UBTD2: variants seen among roughly 807,000 people sequenced by gnomAD.
UBTD2 encodes ubiquitin domain-containing protein 2.
A neutral mutation model predicts 19.8 loss-of-function variants in UBTD2; 9 were observed. The observed-to-expected ratio is 0.46, with a 90% CI of 0.27 to 0.79. The LOEUF is 0.79. UBTD2 is among the 30% of genes least tolerant of loss of function. UBTD2 has a pLI of 0.14. For missense variants in UBTD2, 250 were observed against 300.4 expected, an observed-to-expected ratio of 0.83 and a Z score of 1.24; for synonymous variants, 98 against 103.9, an observed-to-expected ratio of 0.94 and a Z score of 0.35.
intron 1 of UBTD2, among the ~76,000 whole-genome samples, chr5:172,252,175 TACTTGAATAAATGTTTA>T (rs1755038577): frequency 6.6e-6 from 1 of 152,234 alleles, no homozygotes; most frequent in South Asian, 2.1e-4. Context: ...CTTTAAGAGT[TACTTGAATAAATGTTTA>T]ACATGGATTT....
intron 1 of UBTD2, among the ~76,000 whole-genome samples, chr5:172,239,974 A>G (rs1188745045): frequency 6.6e-6 from 1 of 152,200 alleles, no homozygotes; most frequent in Non-Finnish European, 1.5e-5. Context: ...ATAGCACTCC[A>G]TGTCTTACTG....
intron 1 of UBTD2, among the ~76,000 whole-genome samples, chr5:172,282,472 G>T (rs577598107): frequency 6.6e-6 from 1 of 152,196 alleles, no homozygotes; most frequent in African/African-American, 2.4e-5. Context: ...AAAAAACTTA[G>T]GTGTACATGG....
At chr5:172,272,811 T>A (rs1755521034) in intron 1 of UBTD2, among the ~76,000 whole-genome samples, 1 of 152,158 alleles carries the variant, frequency 6.6e-6, no homozygotes, top group Admixed American at 6.5e-5. Flanking sequence ...CCAGGTGCGG[T>A]CGCTCACGCC....
chr5:172,267,055 A>T (rs572391437), intron 1 of UBTD2, among the ~76,000 whole-genome samples: 1 of 151,946 alleles, frequency 6.6e-6, no homozygotes, highest in East Asian at 1.9e-4. Context: ...AAAAAAAAAA[A>T]AAAAAGTTTT....
chr5:172,284,023 C>G (rs1180513585), upstream of UBTD2: 1 of 149,252 alleles, frequency 6.7e-6, no homozygotes, highest in Non-Finnish European at 1.5e-5. Context: ...GAGCCCCGCG[C>G]CGGCGCCTCG....
chr5:172,258,643 T>C (rs1755206760), intron 1 of UBTD2, among the ~76,000 whole-genome samples: 1 of 152,212 alleles, frequency 6.6e-6, no homozygotes, highest in Non-Finnish European at 1.5e-5. Context: ...CAGCAGTGTT[T>C]TGTAATTCTT....
chr5:172,264,214 C>A (rs1174715992), intron 1 of UBTD2, among the ~76,000 whole-genome samples: 1 of 151,908 alleles, frequency 6.6e-6, no homozygotes, highest in Non-Finnish European at 1.5e-5. Context: ...TCAGATTGTT[C>A]TCCTCCTCCT....
intron 1 of UBTD2, among the ~76,000 whole-genome samples, chr5:172,251,964 G>A (rs1755033471): frequency 6.6e-6 from 1 of 152,170 alleles, no homozygotes; most frequent in Non-Finnish European, 1.5e-5. Context: ...CTGTTTCATA[G>A]GACTGTTATA....
At chr5:172,279,633 T>C (rs937636241) in intron 1 of UBTD2, among the ~76,000 whole-genome samples, 1 of 152,248 alleles carries the variant, frequency 6.6e-6, no homozygotes, top group Non-Finnish European at 1.5e-5. Flanking sequence ...TACATCACTA[T>C]ACTTTCATTA....
intron 1 of UBTD2, among the ~76,000 whole-genome samples, chr5:172,265,290 A>G (rs558147493): frequency 6.6e-6 from 1 of 152,370 alleles, no homozygotes; most frequent in East Asian, 1.9e-4. Context: ...AGTCAGTAAT[A>G]AAATAATTTC....
intron 1 of UBTD2, among the ~76,000 whole-genome samples, chr5:172,273,687 G>A (rs1044068088): frequency 2.0e-5 from 3 of 150,836 alleles, no homozygotes; most frequent in Non-Finnish European, 2.9e-5. Flanking sequence ...CTAGCCCAAC[G>A]GAAGGTAGAT....
chr5:172,216,591 C>CA (rs57657254), intron 2 of UBTD2, among the ~76,000 whole-genome samples: 573 of 36,912 alleles, frequency 0.016, 85 homozygotes, highest in Non-Finnish European at 0.02. Context: ...CATCTCTACC[C>CA]AAAAAAAAAA....
chr5:172,265,156 A>G (rs1472632697), intron 1 of UBTD2, among the ~76,000 whole-genome samples: 1 of 152,158 alleles, frequency 6.6e-6, no homozygotes, highest in Non-Finnish European at 1.5e-5. Flanking sequence ...AACACAAAAT[A>G]AGTAGGAAGC....
chr5:172,279,292 G>A (rs150925917), intron 1 of UBTD2, among the ~76,000 whole-genome samples: 171 of 152,292 alleles, frequency 1.1e-3, no homozygotes, highest in African/African-American at 4.0e-3. Flanking sequence ...ACTGCTCTTG[G>A]CTTCAATCTT....
Position 172,227,443 on chromosome 5 carries a change from C to T in UBTD2, c.307+6679G>A, listed in dbSNP as rs150855280. 2.9e-3 allele frequency among the ~76,000 whole-genome samples: 443 copies of T among 152,278 alleles called. 3 individuals carry two copies. Among genetic ancestry groups the T allele is most frequent in the Middle Eastern group, 0.014 (4 of 294 alleles). ...CCTGTTTCATTTCTAAACCCTACAA[C>T]AGTCCAGCAAAAATCCCATCTCCTG... On this transcript the variant is annotated intron_variant, in intron 2 of 2. Coordinates refer to ENST00000393792, the MANE Select transcript of UBTD2 (RefSeq NM_152277.3).
At chr5:172,263,335 G>A (rs1755310441) in intron 1 of UBTD2, among the ~76,000 whole-genome samples, 1 of 152,138 alleles carries the variant, frequency 6.6e-6, no homozygotes, top group Admixed American at 6.6e-5. Flanking sequence ...CGTTTGTTGT[G>A]AAAATAACAA....
chr5:172,233,631 G>A (rs1771948461), intron 2 of UBTD2, among the ~76,000 whole-genome samples: 2 of 152,246 alleles, frequency 1.3e-5, no homozygotes, highest in East Asian at 1.9e-4. Context: ...TTCTAAGTTT[G>A]GGTTTGCTTA....
At chr5:172,230,404 T>C (rs1484535127) in intron 2 of UBTD2, among the ~76,000 whole-genome samples, 2 of 152,242 alleles carry the variant, frequency 1.3e-5, no homozygotes, top group African/African-American at 2.4e-5. Context: ...GGGAATTTAC[T>C]TGTTAATTTC....
intron 2 of UBTD2, among the ~76,000 whole-genome samples, chr5:172,222,415 C>A (rs1212234817): frequency 6.6e-6 from 1 of 152,216 alleles, no homozygotes; most frequent in Non-Finnish European, 1.5e-5. Flanking sequence ...GTGAGTAGGG[C>A]ATGTCACTGG....
Sources: allele counts gnomAD v4.1 joint callset (sites outside exome capture counted in the v4.1 genomes callset), GRCh38; gene constraint gnomAD v4.1.1; transcripts MANE v1.5; gene names NCBI Gene and HGNC (gene_info 2026-07-23, HGNC 2026-07-21).